Variants in RANGAP1 observed in about 807,000 individuals in gnomAD.
The protein encoded by RANGAP1 is ran GTPase-activating protein 1.
RANGAP1 carries 38 observed loss-of-function variants against 63.5 expected under a neutral mutation model. That is an observed-to-expected ratio of 0.60 (90% CI 0.46 to 0.78). The LOEUF (loss-of-function observed/expected upper bound fraction) is 0.78, where lower values mean the gene tolerates loss of function less well. RANGAP1 is among the 30% of genes least tolerant of loss of function. RANGAP1 has a pLI of 0.00. For synonymous variants in RANGAP1, 329 were observed against 310.5 expected, an observed-to-expected ratio of 1.06 and a Z score of -0.63; for missense variants, 630 against 740.3, an observed-to-expected ratio of 0.85 and a Z score of 1.73.
At chr22:41,246,823 G>A in intron 15 of RANGAP1, 151 bp from the exon 16 acceptor site, 2 of 749,222 alleles carry the variant, frequency 2.7e-6, no homozygotes, top group South Asian at 1.7e-5. Context: ...CACACCGTGG[G>A]TGGGGATGGG....
intron 14 of RANGAP1, 27 bp downstream of exon 14, chr22:41,249,702 C>T (rs922336866): frequency 8.8e-6 from 14 of 1,595,372 alleles, no homozygotes; most frequent in East Asian, 2.2e-5. Context: ...ACCTCCCTCC[C>T]GGGCCTGCTG....
At chr22:41,251,570 G>A (rs1253019914) in intron 12 of RANGAP1, among the ~76,000 whole-genome samples, 1 of 150,852 alleles carries the variant, frequency 6.6e-6, no homozygotes, top group Non-Finnish European at 1.5e-5. Context: ...AGGTTGCACT[G>A]AGCCATGATT....
rs747492969 is a variant in RANGAP1 at position 41,254,472 on chromosome 22, C to T, written c.1096G>A (p.Glu366Lys). Reference sequence around the variant, plus strand: ...TCTTCTTCCTCTTCTCCTTCCTCCTCCTCCTCCTCGTCCTCGTCATCACTG... The same window carrying T: ...TCTTCTTCCTCTTCTCCTTCCTCCTTCTCCTCCTCGTCCTCGTCATCACTG... Reference protein sequence around the residue: ...SLSDDEDEEEEEEGEEEEEEA... With the variant: ...SLSDDEDEEEKEEGEEEEEEA... Residue 366 changes from glutamate (E) to lysine (K), a missense_variant, in exon 11 of 16, where the codon GAG becomes AAG. Physicochemically the swap from Glu to Lys is moderately conservative, Grantham distance 56 (BLOSUM62 1). Coordinates refer to ENST00000356244, the MANE Select transcript of RANGAP1 (RefSeq NM_002883.4). 6.2e-7 allele frequency: 1 copy of T among 1,602,592 alleles called. No individual in the cohort carries two copies.
At chr22:41,293,787 G>T in the RANGAP1 span, among the ~76,000 whole-genome samples, 11 of 130,732 alleles carry the variant, frequency 8.4e-5, no homozygotes, top group African/African-American at 1.7e-4. Context: ...AAAAAGAAAA[G>T]AAATAATTTT....
Position 41,254,327 on chromosome 22 carries a change from A to T in RANGAP1, c.1241T>A (p.Ile414Asn). ...GEKSATPSRK[I>N]LDPNTGEPAP... is the part of the protein sequence containing the mutation. The stretch of plus-strand genomic sequence containing the variant: ...ACTCACCCCAGTGTTAGGGTCCAGA[A>T]TCTTCCGTGAGGGCGTGGCTGACTT... The change falls in exon 11 of 16, where the codon ATT becomes AAT. Residue 414 changes from isoleucine to asparagine, a missense_variant. Coordinates refer to ENST00000356244, the MANE Select transcript of RANGAP1 (RefSeq NM_002883.4). The T allele has an allele frequency of 6.2e-7, 1 of 1,614,100 alleles. No individual in the cohort carries two copies. Among genetic ancestry groups the T allele is most frequent in the Middle Eastern group, 1.6e-4 (1 of 6,062 alleles).
At chr22:41,274,086 A>G (rs2145813022) in intron 3 of RANGAP1, among the ~76,000 whole-genome samples, 1 of 152,280 alleles carries the variant, frequency 6.6e-6, no homozygotes, top group Middle Eastern at 3.4e-3. Flanking sequence ...TCAAAAAACA[A>G]AAAAAGAGAA....
chr22:41,249,732 G>C lies in RANGAP1; in HGVS notation c.1569C>G (p.Leu523=). The change falls in exon 14 of 16, where the codon CTC becomes CTG. Residue 523 remains leucine (L), a synonymous_variant. Coordinates refer to ENST00000356244, the MANE Select transcript of RANGAP1 (RefSeq NM_002883.4). Reference sequence around the variant, plus strand: ...CTGCTGTTCCTTCCGGCCTCACCTTGAGCAGACCCATGTGCACGAGCAGCC... The same window carrying C: ...CTGCTGTTCCTTCCGGCCTCACCTTCAGCAGACCCATGTGCACGAGCAGCC... The part of the protein sequence containing the change: ...LTRLLVHMGL[L]KSEDKVKAIA... 1 of 1,612,880 alleles carries C rather than the reference G, an allele frequency of 6.2e-7. No individual in the cohort carries two copies. The highest frequency in any genetic ancestry group is 8.5e-7 in the Non-Finnish European group (1 of 1,178,896).
rs140009329 is a variant in RANGAP1, at chr22:41,258,015, G to A, written c.707C>T (p.Pro236Leu). The A allele has an allele frequency of 1.8e-5, 29 of 1,613,538 alleles. No individual in the cohort carries two copies. The African/African-American group carries it at 3.7e-4, about 21-fold the overall frequency. ...TALAQAFAVN[P>L]LLRVINLNDN... Reference sequence around the variant, plus strand: ...ATTCAGGTTGATGACCCGCAGCAGGGGGTTGACAGCGAAAGCCTGGGCCAG... The same window carrying A: ...ATTCAGGTTGATGACCCGCAGCAGGAGGTTGACAGCGAAAGCCTGGGCCAG... Residue 236 changes from proline (P) to leucine (L), a missense_variant, in exon 7 of 16, where the codon CCC (proline) becomes CTC (leucine). Pro to Leu is a moderately conservative substitution (Grantham distance 98). Transcript: ENST00000356244.
At chr22:41,280,612 A>C in intron 2 of RANGAP1, 1 of 1,225,678 alleles carries the variant, frequency 8.2e-7, no homozygotes, top group Non-Finnish European at 1.1e-6. Flanking sequence ...TGGGGACAAC[A>C]CCGGATATTA....
chr22:41,266,021 TG>T (rs2034449605), intron 4 of RANGAP1, among the ~76,000 whole-genome samples: 1 of 151,954 alleles, frequency 6.6e-6, no homozygotes, highest in Non-Finnish European at 1.5e-5. Context: ...GCTAACACAG[TG>T]AAACCCCATC....
At position 41,264,577 on chromosome 22, in the gene RANGAP1, ATGG is replaced by A. The variant is rs1739801401; in HGVS notation, c.480+84_480+86del. Reference sequence around the variant, plus strand: ...TGAAAACAACGGCTGACCATCCCAGATGGTGGTGGCCAAGGGCCAGGGCACATA... The same window carrying A: ...TGAAAACAACGGCTGACCATCCCAGATGGTGGCCAAGGGCCAGGGCACATA... On this transcript the variant is annotated intron_variant, in intron 5 of 15. Transcript: ENST00000356244. The A allele has an allele frequency of 8.3e-6, 12 of 1,440,196 alleles. No individual in the cohort carries two copies. In the South Asian group the frequency reaches 1.1e-4, roughly 13 times the overall value. 89.2% of individuals were successfully genotyped at this position (1,440,196 alleles called of 1,614,324 possible).
chr22:41,261,709 G>A (rs2034179536), intron 5 of RANGAP1, 129 bp from the exon 6 acceptor site: 2 of 1,067,196 alleles, frequency 1.9e-6, no homozygotes, highest in East Asian at 5.1e-5. Context: ...ACGCAGGACT[G>A]CTAACAGCTC....
chr22:41,283,491 GA>G (rs531480192), intron 1 of RANGAP1, among the ~76,000 whole-genome samples: 209 of 152,158 alleles, frequency 1.4e-3, no homozygotes, highest in African/African-American at 4.9e-3. Flanking sequence ...CCTGGCGACA[GA>G]GCAAGACTCC....
chr22:41,276,889 A>G (rs991930100), intron 2 of RANGAP1, among the ~76,000 whole-genome samples: 2 of 150,746 alleles, frequency 1.3e-5, no homozygotes, highest in Non-Finnish European at 3.0e-5. Context: ...AGGCTGAGGC[A>G]TAATTGCTTG....
At chr22:41,295,084 A>T in the RANGAP1 span, among the ~76,000 whole-genome samples, 3 of 143,370 alleles carry the variant, frequency 2.1e-5, no homozygotes, top group East Asian at 2.2e-4. Context: ...TGGGGGGGTC[A>T]GCCCCCCGCC....
At position 41,256,769 on chromosome 22, in the gene RANGAP1, C is replaced by T; in HGVS notation, c.830G>A (p.Arg277His). Reference sequence around the variant, plus strand: ...TGCAATGGCAACTGCACCCTTGGAGCGCACCAGGCAGTCCCCAAAATTAAT... The same window carrying T: ...TGCAATGGCAACTGCACCCTTGGAGTGCACCAGGCAGTCCCCAAAATTAAT... ...EVINFGDCLV[R>H]SKGAVAIADA... Residue 277 changes from arginine (R) to histidine (H), a missense_variant, in exon 8 of 16, where the codon CGC becomes CAC. Physicochemically the swap from Arg to His is conservative, Grantham distance 29. Transcript: ENST00000356244. 1.2e-5 allele frequency: 19 copies of T among 1,614,108 alleles called. No individual in the cohort carries two copies. The highest frequency in any genetic ancestry group is 3.3e-5 in the Admixed American group (2 of 60,028).
rs537243281 is a variant in RANGAP1 at position 41,260,378 on chromosome 22, C to T, written c.615+1068G>A. Among the ~76,000 whole-genome samples, 6 of 152,268 alleles carry T rather than the reference C, an allele frequency of 3.9e-5. No homozygotes were observed. The East Asian group carries it at 9.7e-4, about 25-fold the overall frequency. On this transcript the variant is annotated intron_variant, in intron 6 of 15. Coordinates refer to ENST00000356244, the MANE Select transcript of RANGAP1 (RefSeq NM_002883.4). ...CCCCCACCAGCTCCAGAGGAGGCAG[C>T]AGGAGCTCCCCTGCAGCCAGGGGTG...
At chr22:41,263,372 C>CTGTTTGTT (rs374556452) in intron 5 of RANGAP1, among the ~76,000 whole-genome samples, 11 of 152,016 alleles carry the variant, frequency 7.2e-5, no homozygotes, top group Non-Finnish European at 1.3e-4. Flanking sequence ...TTATATGTTT[C>CTGTTTGTT]TGTTTGTTTG....
At chr22:41,250,292 C>T (rs1384550701) in intron 13 of RANGAP1, among the ~76,000 whole-genome samples, 8 of 152,352 alleles carry the variant, frequency 5.3e-5, no homozygotes, top group Admixed American at 2.0e-4. Flanking sequence ...CACCTCCTTC[C>T]GAGCCTCATT....
Sources: allele counts gnomAD v4.1 joint callset (sites outside exome capture counted in the v4.1 genomes callset), GRCh38; gene constraint gnomAD v4.1.1; transcripts MANE v1.5; gene names NCBI Gene and HGNC (gene_info 2026-07-23, HGNC 2026-07-21).